Variants in PCDH7 observed in about 807,000 individuals in gnomAD.
PCDH7 encodes protocadherin-7.
Under a neutral mutation model 58.9 loss-of-function variants are expected in PCDH7, and 17 were observed. The ratio of observed to expected loss-of-function variants is 0.29; its 90% CI spans 0.20 to 0.43. The LOEUF (loss-of-function observed/expected upper bound fraction) is 0.43. Ranked by LOEUF, PCDH7 falls within the 20% of genes least tolerant of loss-of-function variation. The pLI is 1.00. For synonymous variants in PCDH7, 664 were observed against 616.4 expected (o/e 1.08, Z -1.14); for missense variants, 1,274 against 1,441.0 (o/e 0.88, Z 1.88).
chr4:30,795,423 G>A (rs965216566), intron 1 of PCDH7, among the ~76,000 whole-genome samples: 2 of 152,198 alleles, frequency 1.3e-5, no homozygotes, highest in Non-Finnish European at 2.9e-5. Flanking sequence ...GAAACTGTAA[G>A]TAATAGCTGT....
At chr4:31,102,673 CAA>C (rs765391662) in intron 3 of PCDH7, among the ~76,000 whole-genome samples, 15 of 96,120 alleles carry the variant, frequency 1.6e-4, no homozygotes, top group Admixed American at 3.3e-4. Flanking sequence ...AACTCCATCT[CAA>C]AAAAAAAAAA....
At chr4:30,777,996 A>G (rs1456211936) in intron 1 of PCDH7, among the ~76,000 whole-genome samples, 2 of 152,182 alleles carry the variant, frequency 1.3e-5, no homozygotes, top group South Asian at 2.1e-4. Context: ...GAGCCATAAT[A>G]TGATCTATCC....
intron 1 of PCDH7, among the ~76,000 whole-genome samples, chr4:30,837,506 G>A (rs555344415): frequency 6.6e-6 from 1 of 151,752 alleles, no homozygotes. Flanking sequence ...CTAAGAGGTT[G>A]GTTATGTTAC....
At chr4:30,961,263 C>T (rs542466136) in intron 3 of PCDH7, among the ~76,000 whole-genome samples, 5 of 151,654 alleles carry the variant, frequency 3.3e-5, no homozygotes, top group South Asian at 2.1e-4. Flanking sequence ...AACCTTGGCA[C>T]GCCGGGCACG....
intron 1 of PCDH7, among the ~76,000 whole-genome samples, chr4:30,905,535 A>G (rs1297443258): frequency 6.6e-6 from 1 of 152,168 alleles, no homozygotes; most frequent in Non-Finnish European, 1.5e-5. Context: ...TGTACGATTA[A>G]TCCACACTTT....
intron 1 of PCDH7, among the ~76,000 whole-genome samples, chr4:30,780,720 G>A (rs956312111): frequency 3.9e-5 from 6 of 152,040 alleles, no homozygotes; most frequent in Admixed American, 1.3e-4. Flanking sequence ...GAATTAATTT[G>A]TCTGTGTACG....
intron 1 of PCDH7, among the ~76,000 whole-genome samples, chr4:30,877,255 A>G (rs1736410891): frequency 6.6e-6 from 1 of 152,146 alleles, no homozygotes; most frequent in Non-Finnish European, 1.5e-5. Context: ...AGTTGGACCA[A>G]TGTGTGGAAG....
chr4:31,142,537 C>G (rs1293633132), exon 4 of PCDH7: 1 of 1,367,582 alleles, frequency 7.3e-7, no homozygotes, highest in East Asian at 4.6e-5. Context: ...ATGAGTATGG[C>G]CACTCAGACT....
At position 31,075,029 on chromosome 4, in the gene PCDH7, T is replaced by A. The variant is rs375854049; in HGVS notation, c.*8-67444T>A. Among the ~76,000 whole-genome samples, 99 of 152,174 alleles carry A rather than the reference T, an allele frequency of 6.5e-4. 1 individual carries two copies. The South Asian group carries it at 0.018, about 27-fold the overall frequency. Reference sequence around the variant, plus strand: ...CTGAAAAAGACTTTGAAAGGGAGCCTGCAAAAAAGAAATTACACGATTGTC... The same window carrying A: ...CTGAAAAAGACTTTGAAAGGGAGCCAGCAAAAAAGAAATTACACGATTGTC... On this transcript the variant is annotated intron_variant, in intron 3 of 3. Transcript: ENST00000509759.
intron 3 of PCDH7, among the ~76,000 whole-genome samples, chr4:31,111,561 C>A (rs900816595): frequency 6.6e-6 from 1 of 152,068 alleles, no homozygotes; most frequent in Non-Finnish European, 1.5e-5. Flanking sequence ...CGGCCCATCT[C>A]GGCCTCCCAC....
At chr4:30,985,776 A>G (rs926050218) in intron 3 of PCDH7, among the ~76,000 whole-genome samples, 9 of 152,196 alleles carry the variant, frequency 5.9e-5, no homozygotes, top group African/African-American at 1.9e-4. Flanking sequence ...TGCTTTGCAC[A>G]GGGATGTATG....
intron 1 of PCDH7, among the ~76,000 whole-genome samples, chr4:30,812,001 T>G (rs1423238168): frequency 4.6e-5 from 7 of 152,154 alleles, no homozygotes; most frequent in Non-Finnish European, 4.4e-5. Context: ...GGTCCTCAAA[T>G]GAAAAGATTT....
chr4:30,814,303 A>G (rs1577908764), intron 1 of PCDH7, among the ~76,000 whole-genome samples: 1 of 152,192 alleles, frequency 6.6e-6, no homozygotes. Flanking sequence ...TCACATTTTG[A>G]CAATTATTTT....
At chr4:30,935,296 A>AT (rs1344807014) in intron 2 of PCDH7, 4 of 953,906 alleles carry the variant, frequency 4.2e-6, no homozygotes, top group Non-Finnish European at 5.0e-6. Context: ...ATGCATGATT[A>AT]TTTTCTTACC....
At position 30,772,738 on chromosome 4, in the gene PCDH7, G is replaced by A. The variant is rs553727629; in HGVS notation, c.70+48142G>A. Reference sequence around the variant, plus strand: ...TGGTAATGATAAATAAACACTTACTGTGTGCCCAAAATTGTGCTCAGTATT... The same window carrying A: ...TGGTAATGATAAATAAACACTTACTATGTGCCCAAAATTGTGCTCAGTATT... On this transcript the variant is annotated intron_variant, in intron 1 of 3. Transcript: ENST00000509759. Among the ~76,000 whole-genome samples the A allele has an allele frequency of 4.6e-5, 7 of 152,278 alleles. No homozygotes were observed. The East Asian group carries it at 1.4e-3, about 29-fold the overall frequency.
chr4:30,870,333 G>T (rs1735417582), intron 1 of PCDH7, among the ~76,000 whole-genome samples: 1 of 151,906 alleles, frequency 6.6e-6, no homozygotes, highest in African/African-American at 2.4e-5. Context: ...CATTGCTTTT[G>T]GTGTTTTTGT....
chr4:31,077,821 CTG>C (rs945189356), intron 3 of PCDH7, among the ~76,000 whole-genome samples: 1 of 152,118 alleles, frequency 6.6e-6, no homozygotes, highest in African/African-American at 2.4e-5. Context: ...ATATATGACT[CTG>C]AAATTTAGAA....
At chr4:30,748,926 A>T (rs530379088) in intron 1 of PCDH7, among the ~76,000 whole-genome samples, 2 of 152,284 alleles carry the variant, frequency 1.3e-5, no homozygotes, top group African/African-American at 4.8e-5. Flanking sequence ...AATAAGATGT[A>T]GTTATATCTG....
At chr4:31,112,744 C>G (rs1207840808) in intron 3 of PCDH7, among the ~76,000 whole-genome samples, 1 of 152,026 alleles carries the variant, frequency 6.6e-6, no homozygotes, top group Non-Finnish European at 1.5e-5. Context: ...AATGTGGGCA[C>G]CTGGTATATT....
Sources: gnomAD v4.1 joint callset for allele counts (sites outside exome capture counted in the v4.1 genomes callset) on GRCh38, gnomAD v4.1.1 for gene constraint, MANE v1.5 for transcripts, NCBI Gene and HGNC (gene_info 2026-07-23, HGNC 2026-07-21) for gene names.